PFDN2: variants seen among roughly 807,000 people sequenced by gnomAD.
PFDN2 encodes the protein prefoldin subunit 2, also known as prefoldin 2.
Under a neutral mutation model 18.3 loss-of-function variants are expected in PFDN2, and 7 were observed. The ratio of observed to expected loss-of-function variants is 0.38; its 90% CI spans 0.22 to 0.72. The LOEUF (loss-of-function observed/expected upper bound fraction) is 0.72, where lower values mean the gene tolerates loss of function less well. Among genes scored for constraint, PFDN2 ranks in the 30% least tolerant of loss-of-function variants. PFDN2 has a pLI of 0.47. For synonymous variants in PFDN2, 76 were observed against 75.0 expected, an observed-to-expected ratio of 1.01 and a Z score of -0.07; for missense variants, 181 against 199.1, an observed-to-expected ratio of 0.91 and a Z score of 0.55.
chr1:161,102,209 C>A (rs763977820), intron 2 of PFDN2, 38 bp from the exon 3 acceptor site: 1 of 1,613,826 alleles, frequency 6.2e-7, no homozygotes, highest in South Asian at 1.1e-5. Flanking sequence ...GAGGATTCAG[C>A]CCCACTCTAC....
chr1:161,117,922 G>C, intron 1 of PFDN2, 30 bp downstream of exon 1: 1 of 1,582,392 alleles, frequency 6.3e-7, no homozygotes, highest in South Asian at 1.1e-5. Flanking sequence ...ACCCAGGTGG[G>C]TACCCTGCTT....
intron 1 of PFDN2, among the ~76,000 whole-genome samples, chr1:161,108,339 T>A (rs1271963929): frequency 1.3e-5 from 2 of 151,336 alleles, no homozygotes; most frequent in South Asian, 4.2e-4. Flanking sequence ...ATGTCTGTAA[T>A]CCCAGCTACT....
chr1:161,100,911 C>G (rs1392179884), intron 3 of PFDN2, 52 bp from the exon 4 acceptor site: 4 of 1,361,824 alleles, frequency 2.9e-6, no homozygotes, highest in Non-Finnish European at 4.2e-6. Context: ...TCCTTTCCCC[C>G]ACCTGGAATG....
intron 1 of PFDN2, among the ~76,000 whole-genome samples, chr1:161,113,270 T>G (rs1047809698): frequency 1.3e-5 from 2 of 152,168 alleles, no homozygotes; most frequent in Non-Finnish European, 2.9e-5. Context: ...TGCTACCTGT[T>G]CAAATCCATC....
At chr1:161,114,918 T>G (rs1654877396) in intron 1 of PFDN2, among the ~76,000 whole-genome samples, 1 of 152,214 alleles carries the variant, frequency 6.6e-6, no homozygotes, top group Non-Finnish European at 1.5e-5. Flanking sequence ...TAAATCTTTA[T>G]TGTTTGGTTT....
intron 1 of PFDN2, among the ~76,000 whole-genome samples, chr1:161,105,800 T>C (rs1050671354): frequency 2.6e-5 from 4 of 152,196 alleles, no homozygotes; most frequent in Admixed American, 6.5e-5. Flanking sequence ...ACATTCTTGC[T>C]AATAACTAAT....
chr1:161,113,135 A>G (rs1036726433), intron 1 of PFDN2, among the ~76,000 whole-genome samples: 2 of 152,202 alleles, frequency 1.3e-5, no homozygotes, highest in African/African-American at 2.4e-5. Context: ...TATAACATAT[A>G]TCCTTCTGTG....
chr1:161,107,261 T>C (rs547904382), intron 1 of PFDN2, among the ~76,000 whole-genome samples: 16 of 152,220 alleles, frequency 1.1e-4, no homozygotes, highest in Non-Finnish European at 7.4e-5. Context: ...CGGTCTTTAC[T>C]AATAATACAA....
intron 1 of PFDN2, among the ~76,000 whole-genome samples, chr1:161,106,976 T>C (rs1003750967): frequency 2.0e-5 from 3 of 152,138 alleles, no homozygotes; most frequent in African/African-American, 2.4e-5. Flanking sequence ...GCCCGGCTAA[T>C]TTCTGTATTT....
rs1557961740 is a variant in PFDN2, at chr1:161,102,029, T to G, written c.288+19A>C. ...TTTACAGCCACTGTACCCGATCCTA[T>G]TCAATGATTCTTGCTCACCTGCTCC... On this transcript the variant is annotated intron_variant, in intron 3 of 3. Coordinates refer to ENST00000368010, the MANE Select transcript of PFDN2 (RefSeq NM_012394.4). 1.2e-6 allele frequency: 2 copies of G among 1,613,998 alleles called. No homozygotes were observed. Among genetic ancestry groups the G allele is most frequent in the Non-Finnish European group, 1.7e-6 (2 of 1,179,984 alleles).
chr1:161,104,055 A>G (rs1654632222), intron 1 of PFDN2, among the ~76,000 whole-genome samples: 1 of 152,190 alleles, frequency 6.6e-6, no homozygotes, highest in African/African-American at 2.4e-5. Context: ...CAGTATTTTT[A>G]AAAAGATCTC....
At position 161,100,651 on chromosome 1, in the gene PFDN2, C is replaced by T. The variant is rs764736435; in HGVS notation, c.*32G>A. 3 of 1,418,470 alleles carry T rather than the reference C, an allele frequency of 2.1e-6. No homozygotes were observed. The highest frequency in any genetic ancestry group is 2.9e-6 in the Non-Finnish European group (3 of 1,047,948). 87.9% of individuals were successfully genotyped at this position (1,418,470 alleles called of 1,614,324 possible). ...ATAAAGAGAAATTAGAAGTGGGAGTCAGGGTAGAAAAAAATGCAAAGGCCT... is the reference window on the plus strand; with the variant it reads ...ATAAAGAGAAATTAGAAGTGGGAGTTAGGGTAGAAAAAAATGCAAAGGCCT... On this transcript the variant is annotated 3_prime_UTR_variant, in exon 4 of 4. Coordinates refer to ENST00000368010, the MANE Select transcript of PFDN2 (RefSeq NM_012394.4).
At chr1:161,107,785 C>A (rs1184752774) in intron 1 of PFDN2, among the ~76,000 whole-genome samples, 6 of 151,304 alleles carry the variant, frequency 4.0e-5, no homozygotes, top group African/African-American at 1.5e-4. Context: ...CACTGCACTC[C>A]AATCTGGGAT....
Sources: gnomAD v4.1 joint callset for allele counts (sites outside exome capture counted in the v4.1 genomes callset) on GRCh38, gnomAD v4.1.1 for gene constraint, MANE v1.5 for transcripts, NCBI Gene and HGNC (gene_info 2026-07-23, HGNC 2026-07-21) for gene names.